TINAGL1: variants seen among roughly 807,000 people sequenced by gnomAD.
The protein encoded by TINAGL1 is tubulointerstitial nephritis antigen-like.
In TINAGL1, 34 loss-of-function variants were observed where a neutral mutation model predicts 62.0. The observed-to-expected ratio is 0.55, with a 90% CI of 0.42 to 0.73. TINAGL1 has a LOEUF of 0.73. Ranked by LOEUF, TINAGL1 falls within the 30% of genes least tolerant of loss-of-function variation. The probability of loss-of-function intolerance (pLI) is 0.00; values close to 1 mark genes in which losing one functional copy is unlikely to be tolerated. For synonymous variants in TINAGL1, 221 were observed against 249.7 expected, an observed-to-expected ratio of 0.88 and a Z score of 1.08; for missense variants, 516 against 653.2, an observed-to-expected ratio of 0.79 and a Z score of 2.29.
intron 10 of TINAGL1, chr1:31,586,399 G>A: frequency 1.9e-6 from 1 of 519,662 alleles, no homozygotes; most frequent in Non-Finnish European, 3.4e-6. Flanking sequence ...AGGGCAGGTG[G>A]ATGTGTGGTC....
chr1:31,577,344 T>C lies in TINAGL1; in HGVS notation c.196T>C (p.Tyr66His), dbSNP rs767625928. ...CCGTGCCGACGACTGTGCCCTGCCC[T>C]ACCTGGGCGCCATCTGTTACTGTGA... The part of the protein sequence containing the change: ...RGRADDCALP[Y>H]LGAICYCDLF... The change falls in exon 2 of 12, where the codon TAC (tyrosine) becomes CAC (histidine). Residue 66 changes from tyrosine to histidine, a missense_variant. Coordinates refer to ENST00000271064, the MANE Select transcript of TINAGL1 (RefSeq NM_022164.3). The surrounding 1 kb of genome is among the most constrained non-coding windows in gnomAD (Gnocchi z 5.4). 6.2e-7 allele frequency: 1 copy of C among 1,613,916 alleles called. No individual in the cohort carries two copies. The highest frequency in any genetic ancestry group is 8.5e-7 in the Non-Finnish European group (1 of 1,180,002).
rs1639395533 is a variant in TINAGL1, at chr1:31,586,550, G to A, written c.1218-160G>A. ...GGTGCACCGACTTACAGATGTGAGA[G>A]TGAGGGAGATGCAGAGAGGTACAGA... is the stretch of plus-strand genomic sequence containing the variant. On this transcript the variant is annotated intron_variant, in intron 10 of 11. Transcript: ENST00000271064. 3 of 782,908 alleles carry A rather than the reference G, an allele frequency of 3.8e-6. No homozygotes were observed. The Admixed American group carries it at 6.3e-5, about 16-fold the overall frequency. 48.5% of individuals were successfully genotyped at this position (782,908 alleles called of 1,614,324 possible).
rs1375404645 is a variant in TINAGL1 at position 31,583,400 on chromosome 1, C to G, written c.468-61C>G. Reference sequence around the variant, plus strand: ...GTGCGTCTCTCCCACCCACATGCACCCACGCCAAGGACCCTGAGCCTCGGC... The same window carrying G: ...GTGCGTCTCTCCCACCCACATGCACGCACGCCAAGGACCCTGAGCCTCGGC... On this transcript the variant is annotated intron_variant, in intron 4 of 11. Transcript: ENST00000271064. This position sits in a 1 kb window ranked among gnomAD's most constrained non-coding sequence, Gnocchi z 4.4. The G allele has an allele frequency of 6.5e-7, 1 of 1,539,716 alleles. No homozygotes were observed. Among genetic ancestry groups the G allele is most frequent in the African/African-American group, 1.4e-5 (1 of 73,354 alleles).
At position 31,583,011 on chromosome 1, in the gene TINAGL1, G is replaced by A. The variant is rs1392798496; in HGVS notation, c.375-138G>A. ...TAGACGTTGACATTTAAAGCCACCAGGCTGGATGGGATCACCTAGAGATTC... is the reference window on the plus strand; with the variant it reads ...TAGACGTTGACATTTAAAGCCACCAAGCTGGATGGGATCACCTAGAGATTC... On this transcript the variant is annotated intron_variant, in intron 3 of 11. Transcript: ENST00000271064. This position sits in a 1 kb window ranked among gnomAD's most constrained non-coding sequence, Gnocchi z 4.4. 2.4e-5 allele frequency: 18 copies of A among 736,064 alleles called. 1 individual carries two copies. In the East Asian group the frequency reaches 4.6e-4, roughly 19 times the overall value. The allele number at this position is 736,064 out of a possible 1,614,324, so 45.6% of individuals were successfully genotyped here.
chr1:31,583,089 A>G lies in TINAGL1; in HGVS notation c.375-60A>G. The stretch of plus-strand genomic sequence containing the variant: ...GGCCCATGTTAACCTCCGAGGCCAC[A>G]TTCCTTCAAAGTATCCCCAGTCCCC... On this transcript the variant is annotated intron_variant, in intron 3 of 11. Transcript: ENST00000271064. This position sits in a 1 kb window ranked among gnomAD's most constrained non-coding sequence, Gnocchi z 4.4. 1.3e-6 allele frequency: 2 copies of G among 1,511,254 alleles called. No individual in the cohort carries two copies. The highest frequency in any genetic ancestry group is 1.1e-5 in the South Asian group (1 of 88,970). The allele number at this position is 1,511,254 out of a possible 1,614,324, so 93.6% of individuals were successfully genotyped here.
rs1639052354 is a variant in TINAGL1 at position 31,578,178 on chromosome 1, A to G, written c.310+720A>G. The G allele has an allele frequency of 7.1e-6, 7 of 986,114 alleles. No homozygotes were observed. In the South Asian group the frequency reaches 3.3e-4, roughly 46 times the overall value. 61.1% of individuals were successfully genotyped at this position (986,114 alleles called of 1,614,324 possible). On this transcript the variant is annotated intron_variant, in intron 2 of 11. Coordinates refer to ENST00000271064, the MANE Select transcript of TINAGL1 (RefSeq NM_022164.3). ...GTTGGAATCATTGAAGAACTTCCCA[A>G]ACAGCAGTTGGTGTGTGACCCTGCA...
At chr1:31,579,346 C>T in intron 3 of TINAGL1, 79 bp downstream of exon 3, 2 of 1,329,842 alleles carry the variant, frequency 1.5e-6, no homozygotes, top group Non-Finnish European at 2.2e-6. Flanking sequence ...ATCCCTGACC[C>T]CTTTTGCAAG....
chr1:31,584,438 A>C lies in TINAGL1; in HGVS notation c.583-240A>C, dbSNP rs942630722. 3 of 543,440 alleles carry C rather than the reference A, an allele frequency of 5.5e-6. No homozygotes were observed. The highest frequency in any genetic ancestry group is 1.0e-5 in the Non-Finnish European group (3 of 301,144). The allele number at this position is 543,440 out of a possible 1,614,324, so 33.7% of individuals were successfully genotyped here. A position where few individuals can be genotyped will look rare whatever the true frequency, so the allele number is the denominator to read the frequency against. ...GCCTCAGCTGCCTCATCTGGGAAGC[A>C]GGACTAGTCACCACCGCCACCCCGC... On this transcript the variant is annotated intron_variant, in intron 5 of 11. Coordinates refer to ENST00000271064, the MANE Select transcript of TINAGL1 (RefSeq NM_022164.3). The surrounding 1 kb of genome is among the most constrained non-coding windows in gnomAD (Gnocchi z 4.0).
intron 2 of TINAGL1, chr1:31,578,323 G>A (rs1298354674): frequency 3.7e-6 from 1 of 272,526 alleles, no homozygotes; most frequent in African/African-American, 2.3e-5. Flanking sequence ...GTGTGTGTGT[G>A]TGTGTGTGTG....
In TINAGL1 at chr1:31,585,613, C is replaced by T. The variant is rs370385551; in HGVS notation, c.1093+128C>T. The T allele has an allele frequency of 6.5e-6, 10 of 1,533,178 alleles. No individual in the cohort carries two copies. Among genetic ancestry groups the T allele is most frequent in the Non-Finnish European group, 8.8e-6 (10 of 1,135,634 alleles). 95.0% of individuals were successfully genotyped at this position (1,533,178 alleles called of 1,614,324 possible). On this transcript the variant is annotated intron_variant, in intron 9 of 11. Transcript: ENST00000271064. This position sits in a 1 kb window ranked among gnomAD's most constrained non-coding sequence, Gnocchi z 4.3. ...TAGGGCCAGGAGTAGGGGTCCCCCCCTCCCACAGGCAGCACCTGGAGGGAG... is the reference window on the plus strand; with the variant it reads ...TAGGGCCAGGAGTAGGGGTCCCCCCTTCCCACAGGCAGCACCTGGAGGGAG...
intron 3 of TINAGL1, among the ~76,000 whole-genome samples, chr1:31,582,357 G>A (rs1639268875): frequency 6.6e-6 from 1 of 151,672 alleles, no homozygotes; most frequent in Non-Finnish European, 1.5e-5. Flanking sequence ...AAGGGGAGCA[G>A]GCAGATTGGT....
At chr1:31,580,562 GC>G in intron 3 of TINAGL1, 1 of 1,289,068 alleles carries the variant, frequency 7.8e-7, no homozygotes, top group Non-Finnish European at 1.0e-6. Context: ...AGCCTTCCCG[GC>G]CCTGCAGACT....
rs761677862 is a variant in TINAGL1, at chr1:31,580,162, GCTCTCTCTCTCTCTCTCTCTCTCTCTCT to G, written c.374+918_374+945del. On this transcript the variant is annotated intron_variant, in intron 3 of 11. Transcript: ENST00000271064. The stretch of plus-strand genomic sequence containing the variant: ...GCTCTGGACGTTGAGGGGTTAATGC[GCTCTCTCTCTCTCTCTCTCTCTCTCTCT>G]CTCTCTCTCTCTCTCTCTCTCTGTC... 705 of 474,212 alleles carry G rather than the reference GCTCTCTCTCTCTCTCTCTCTCTCTCTCT, an allele frequency of 1.5e-3. 10 individuals carry two copies. The African/African-American group carries it at 0.021, about 14-fold the overall frequency. The allele number at this position is 474,212 out of a possible 1,614,324, so 29.4% of individuals were successfully genotyped here.
At position 31,585,640 on chromosome 1, in the gene TINAGL1, A is replaced by G; in HGVS notation, c.1094-113A>G. On this transcript the variant is annotated intron_variant, in intron 9 of 11. Transcript: ENST00000271064. The surrounding 1 kb of genome is among the most constrained non-coding windows in gnomAD (Gnocchi z 4.3). ...CCCACAGGCAGCACCTGGAGGGAGC[A>G]CTTAGAGCTTTGGTATGGAGGGACC... The G allele has an allele frequency of 2.0e-6, 3 of 1,536,066 alleles. No homozygotes were observed. The highest frequency in any genetic ancestry group is 1.8e-6 in the Non-Finnish European group (2 of 1,138,716).
chr1:31,581,638 G>A (rs1412646195), intron 3 of TINAGL1, among the ~76,000 whole-genome samples: 2 of 152,206 alleles, frequency 1.3e-5, no homozygotes, highest in Non-Finnish European at 1.5e-5. Context: ...CTCTAGAGAA[G>A]TGGGGTCTGG....
In TINAGL1 at chr1:31,578,186, T is replaced by C. The variant is rs1348943419; in HGVS notation, c.310+728T>C. 5 of 986,772 alleles carry C rather than the reference T, an allele frequency of 5.1e-6. 1 individual carries two copies. Among genetic ancestry groups the C allele is most frequent in the Non-Finnish European group, 6.0e-6 (5 of 830,938 alleles). The allele number at this position is 986,772 out of a possible 1,614,324, so 61.1% of individuals were successfully genotyped here. On this transcript the variant is annotated intron_variant, in intron 2 of 11. Coordinates refer to ENST00000271064, the MANE Select transcript of TINAGL1 (RefSeq NM_022164.3). Reference sequence around the variant, plus strand: ...CATTGAAGAACTTCCCAAACAGCAGTTGGTGTGTGACCCTGCAGGATTTGT... The same window carrying C: ...CATTGAAGAACTTCCCAAACAGCAGCTGGTGTGTGACCCTGCAGGATTTGT...
intron 2 of TINAGL1, among the ~76,000 whole-genome samples, chr1:31,578,994 C>G (rs12750558): frequency 1 from 88,783 of 89,096 alleles, 44,238 homozygotes; most frequent in East Asian, 1. Context: ...ATTTTAGTGA[C>G]AGCTGGTGTG....
rs527332942 is a variant in TINAGL1 at position 31,584,877 on chromosome 1, C to T, written c.707-9C>T. The T allele has an allele frequency of 4.9e-4, 796 of 1,611,844 alleles. 9 individuals carry two copies. In the South Asian group the frequency reaches 8.5e-3, roughly 17 times the overall value. On this transcript the variant is annotated splice_polypyrimidine_tract_variant and intron_variant, in intron 6 of 11. Transcript: ENST00000271064. This position sits in a 1 kb window ranked among gnomAD's most constrained non-coding sequence, Gnocchi z 4.0. ...GCCTCCCGACAGCCCCTCTATCTCACCCCACCAGCTGTGGCATCCGATCGT... is the reference window on the plus strand; with the variant it reads ...GCCTCCCGACAGCCCCTCTATCTCATCCCACCAGCTGTGGCATCCGATCGT...
In TINAGL1 at chr1:31,585,341, G is replaced by C; in HGVS notation, c.1047+1G>C. On this transcript the variant is annotated splice_donor_variant, in intron 8 of 11. Transcript: ENST00000271064. LOFTEE classifies it high-confidence loss of function. The surrounding 1 kb of genome is among the most constrained non-coding windows in gnomAD (Gnocchi z 4.3). ...TCCTGTCTACCGCCTCGGCTCCAAC[G>C]TAAGTCAGCACTTGGGTGAGGGCGC... is the stretch of plus-strand genomic sequence containing the variant. 2.5e-6 allele frequency: 4 copies of C among 1,604,230 alleles called. No homozygotes were observed. The highest frequency in any genetic ancestry group is 3.4e-6 in the Non-Finnish European group (4 of 1,173,800).
Sources: gnomAD v4.1 joint callset for allele counts (sites outside exome capture counted in the v4.1 genomes callset) on GRCh38, gnomAD v4.1.1 for gene constraint, Gnocchi (gnomAD v3.1) non-coding constraint, MANE v1.5 for transcripts, NCBI Gene and HGNC (gene_info 2026-07-23, HGNC 2026-07-21) for gene names.